Variants in TET2 observed in about 807,000 individuals in gnomAD.
The protein encoded by TET2 is methylcytosine dioxygenase TET2.
A neutral mutation model predicts 142.9 loss-of-function variants in TET2; 299 were observed. That is an observed-to-expected ratio of 2.09 (90% CI 1.90 to 2.30). The LOEUF is 2.30. TET2 is among the 30% of genes most tolerant of loss of function. The pLI is 0.00. For synonymous variants in TET2, 819 were observed against 849.0 expected (o/e 0.96, Z 0.61); for missense variants, 2,418 against 2,378.0 (o/e 1.02, Z -0.35).
chr4:105,255,933 G>T lies in TET2; in HGVS notation c.3804-3686G>T, dbSNP rs1323813208. On this transcript the variant is annotated intron_variant, in intron 6 of 10. Transcript: ENST00000380013. ...TACTAAATTTTTTGATGTTCTTAATGGTTTCCCTGGGGATTACAACTAACT... is the reference window on the plus strand; with the variant it reads ...TACTAAATTTTTTGATGTTCTTAATTGTTTCCCTGGGGATTACAACTAACT... 2.2e-5 allele frequency among the ~76,000 whole-genome samples: 3 copies of T among 137,524 alleles called. No individual in the cohort carries two copies. In the East Asian group the frequency reaches 6.3e-4, roughly 29 times the overall value. The allele number at this position is 137,524 out of a possible 152,430, so 90.2% of individuals were successfully genotyped here.
At position 105,275,192 on chromosome 4, in the gene TET2, C is replaced by G. The variant is rs1731145592; in HGVS notation, c.4682C>G (p.Ser1561Cys). The G allele has an allele frequency of 3.2e-6, 5 of 1,552,288 alleles. No individual in the cohort carries two copies. The highest frequency in any genetic ancestry group is 4.4e-6 in the Non-Finnish European group (5 of 1,147,134). Residue 1561 changes from serine (S) to cysteine (C), a missense_variant, in exon 11 of 11, where the codon TCT becomes TGT. By Grantham distance (112) the Ser-to-Cys change is moderately radical. Coordinates refer to ENST00000380013, the MANE Select transcript of TET2 (RefSeq NM_001127208.3). ...HPQTESVNSY[S>C]ASGSTNPYMR... ...CAGACAGAGTCTGTCAACTCTTATT[C>G]TGCTTCTGGATCCACCAATCCATAC...
chr4:105,168,931 G>A (rs143308442), intron 1 of TET2, among the ~76,000 whole-genome samples: 3 of 152,156 alleles, frequency 2.0e-5, no homozygotes, highest in African/African-American at 7.2e-5. Flanking sequence ...TCCTTTTTAT[G>A]GCTGAGTAGT....
In TET2 at chr4:105,234,696, A is replaced by G. The variant is rs1377681856; in HGVS notation, c.754A>G (p.Ile252Val). ...GAAAACCACATCTCACATAAATGCC[A>G]TTAACAGTCAGGCTACTAATGAGTT... ...VQKTTSHINA[I>V]NSQATNELSC... is the part of the protein sequence containing the mutation. The change falls in exon 3 of 11, where the codon ATT becomes GTT. Residue 252 changes from isoleucine (I) to valine (V), a missense_variant. By Grantham distance (29) the Ile-to-Val change is conservative (BLOSUM62 3). Coordinates refer to ENST00000380013, the MANE Select transcript of TET2 (RefSeq NM_001127208.3). The G allele has an allele frequency of 6.2e-6, 10 of 1,613,974 alleles. No individual in the cohort carries two copies. The African/African-American group carries it at 1.2e-4, about 19-fold the overall frequency.
At chr4:105,250,930 C>T (rs1476237782) in intron 6 of TET2, among the ~76,000 whole-genome samples, 1 of 152,138 alleles carries the variant, frequency 6.6e-6, no homozygotes, top group Non-Finnish European at 1.5e-5. Flanking sequence ...GACCTGACTG[C>T]CTTGGCCTCC....
At chr4:105,228,359 G>C (rs570009850) in intron 2 of TET2, among the ~76,000 whole-genome samples, 14 of 152,134 alleles carry the variant, frequency 9.2e-5, no homozygotes, top group African/African-American at 3.4e-4. Context: ...TAAAGGACTT[G>C]CTGTCACAGA....
In TET2 at chr4:105,234,970, C is replaced by A. The variant is rs2110224060; in HGVS notation, c.1028C>A (p.Thr343Asn). 1 of 1,613,894 alleles carries A rather than the reference C, an allele frequency of 6.2e-7. No individual in the cohort carries two copies. Among genetic ancestry groups the A allele is most frequent in the Non-Finnish European group, 8.5e-7 (1 of 1,179,922 alleles). Residue 343 changes from threonine (T) to asparagine (N), a missense_variant, in exon 3 of 11, where the codon ACC becomes AAC. By Grantham distance (65) the Thr-to-Asn change is moderately conservative. Transcript: ENST00000380013. ...PSPAENNIQG[T>N]TKLASGEEFC... ...CCTGCAGAAAATAACATCCAGGGAA[C>A]CACAAAGCTAGCGTCTGGTGAAGAA...
chr4:105,194,271 T>G (rs2110491542), intron 2 of TET2, among the ~76,000 whole-genome samples: 1 of 152,310 alleles, frequency 6.6e-6, no homozygotes, highest in African/African-American at 2.4e-5. Context: ...ATGAAACAGA[T>G]CTAACTTGTT....
chr4:105,163,804 TTCGAGAGAGA>T (rs1262878631), intron 1 of TET2, among the ~76,000 whole-genome samples: 10 of 103,342 alleles, frequency 9.7e-5, no homozygotes, highest in East Asian at 2.7e-4. Flanking sequence ...GCTCGAAAGT[TTCGAGAGAGA>T]GAGAGAGAGA....
At chr4:105,194,857 A>G (rs1348851472) in intron 2 of TET2, among the ~76,000 whole-genome samples, 2 of 152,126 alleles carry the variant, frequency 1.3e-5, no homozygotes, top group African/African-American at 2.4e-5. Context: ...CACATGCCAC[A>G]TGGTATGATA....
chr4:105,242,803 A>T, intron 4 of TET2, 31 bp from the exon 5 acceptor site: 2 of 1,542,914 alleles, frequency 1.3e-6, no homozygotes, highest in Non-Finnish European at 1.7e-6. Context: ...TGCTAATTGT[A>T]TGTGTGTGTG....
chr4:105,216,471 G>A (rs1727501043), intron 2 of TET2, among the ~76,000 whole-genome samples: 1 of 151,862 alleles, frequency 6.6e-6, no homozygotes, highest in Non-Finnish European at 1.5e-5. Flanking sequence ...TTTATAAGAT[G>A]GCAACTAAAA....
intron 2 of TET2, among the ~76,000 whole-genome samples, chr4:105,213,260 C>T (rs1428043630): frequency 2.6e-5 from 4 of 151,964 alleles, no homozygotes; most frequent in East Asian, 1.9e-4. Flanking sequence ...AAGTTTGACA[C>T]GTCAGTATAG....
chr4:105,238,019 C>A, intron 3 of TET2: 1 of 702,548 alleles, frequency 1.4e-6, no homozygotes, highest in Non-Finnish European at 1.8e-6. Context: ...CTCCATACCA[C>A]AATAAAATGA....
chr4:105,201,895 C>T (rs531187653), intron 2 of TET2, among the ~76,000 whole-genome samples: 53 of 151,876 alleles, frequency 3.5e-4, no homozygotes, highest in African/African-American at 1.2e-3. Context: ...GGGCATGCCA[C>T]CACCCCTGGC....
chr4:105,276,114 T>C lies in TET2; in HGVS notation c.5604T>C (p.His1868=). 6.4e-7 allele frequency: 1 copy of C among 1,551,664 alleles called. No individual in the cohort carries two copies. The highest frequency in any genetic ancestry group is 1.4e-5 in the African/African-American group (1 of 73,160). The stretch of plus-strand genomic sequence containing the variant: ...GGGGAGTGGCCGTGGCTCCAACTCA[T>C]GGGTCAATTCTCATTGAGTGTGCAA... ...DIGGVAVAPT[H]GSILIECAKR... is the part of the protein sequence containing the mutation. The change falls in exon 11 of 11, where the codon CAT becomes CAC. Residue 1868 remains histidine, a synonymous_variant. Transcript: ENST00000380013.
At chr4:105,155,149 A>AG (rs1291310061) in intron 1 of TET2, among the ~76,000 whole-genome samples, 1 of 152,246 alleles carries the variant, frequency 6.6e-6, no homozygotes, top group East Asian at 1.9e-4. Context: ...TGAAAACAGA[A>AG]GGGCAATGCA....
Position 105,241,365 on chromosome 4 carries a change from C to A in TET2, c.3436C>A (p.Pro1146Thr). ...GCAAATTATTGAAAAAGATGAAGGT[C>A]CTTTTTATACCCATCTAGGAGCAGG... ...VEQIIEKDEGPFYTHLGAGPN... is the reference protein window; with the variant it reads ...VEQIIEKDEGTFYTHLGAGPN... The change falls in exon 4 of 11, where the codon CCT (proline) becomes ACT (threonine). Residue 1146 changes from proline (P) to threonine (T), a missense_variant. By Grantham distance (38) the Pro-to-Thr change is conservative. Transcript: ENST00000380013. The A allele has an allele frequency of 6.5e-7, 1 of 1,547,340 alleles. No individual in the cohort carries two copies. The highest frequency in any genetic ancestry group is 8.7e-7 in the Non-Finnish European group (1 of 1,145,346).
chr4:105,256,031 C>T (rs1395051646), intron 6 of TET2, among the ~76,000 whole-genome samples: 3 of 152,070 alleles, frequency 2.0e-5, no homozygotes, highest in Admixed American at 6.6e-5. Flanking sequence ...TAGCTACATT[C>T]CCTCTTTTTA....
chr4:105,152,598 C>CTT (rs869064512), intron 1 of TET2, among the ~76,000 whole-genome samples: 11 of 23,548 alleles, frequency 4.7e-4, no homozygotes, highest in South Asian at 1.6e-3. Context: ...TTCTTTCTTT[C>CTT]TTTTTTTTTT....
Sources: allele counts gnomAD v4.1 joint callset (sites outside exome capture counted in the v4.1 genomes callset), GRCh38; gene constraint gnomAD v4.1.1; transcripts MANE v1.5; gene names NCBI Gene and HGNC (gene_info 2026-07-23, HGNC 2026-07-21).